The following AFG2A variants were observed in gnomAD, a reference collection of about 807,000 sequenced individuals.
AFG2A encodes ATPase family gene 2 protein homolog A.
chr4:123,016,657 G>A, the AFG2A span, among the ~76,000 whole-genome samples: 2 of 150,362 alleles, frequency 1.3e-5, no homozygotes, highest in Admixed American at 6.6e-5. Flanking sequence ...CAGGCAGAGG[G>A]GCTCCTCACG....
At chr4:123,298,112 T>TACACACAC in the AFG2A span, among the ~76,000 whole-genome samples, 47 of 150,250 alleles carry the variant, frequency 3.1e-4, no homozygotes, top group Admixed American at 1.5e-3. Flanking sequence ...TGCATACACA[T>TACACACAC]ACACACACAC....
the AFG2A span, among the ~76,000 whole-genome samples, chr4:123,286,705 T>C: frequency 6.6e-6 from 1 of 152,144 alleles, no homozygotes; most frequent in South Asian, 2.1e-4. Context: ...TAAAAACCTA[T>C]AACTGCTTTG....
chr4:123,158,667 A>G, the AFG2A span, among the ~76,000 whole-genome samples: 1 of 152,032 alleles, frequency 6.6e-6, no homozygotes, highest in Non-Finnish European at 1.5e-5. Flanking sequence ...TAGTCTATGG[A>G]AAAAAAATAC....
chr4:123,097,047 T>A, the AFG2A span, among the ~76,000 whole-genome samples: 1 of 152,056 alleles, frequency 6.6e-6, no homozygotes, highest in Non-Finnish European at 1.5e-5. Context: ...CATTAAGTTG[T>A]GCAGCCTTAA....
chr4:123,058,936 T>G, the AFG2A span, among the ~76,000 whole-genome samples: 1 of 152,146 alleles, frequency 6.6e-6, no homozygotes, highest in African/African-American at 2.4e-5. Flanking sequence ...AAGTCTCATC[T>G]GAGACAAGTC....
the AFG2A span, among the ~76,000 whole-genome samples, chr4:123,114,960 A>G: frequency 1.3e-5 from 2 of 152,206 alleles, no homozygotes; most frequent in South Asian, 4.1e-4. Flanking sequence ...TGAGGCTGCA[A>G]TGGCGGCTCC....
chr4:123,124,894 TGTAAC>T, the AFG2A span, among the ~76,000 whole-genome samples: 1 of 152,194 alleles, frequency 6.6e-6, no homozygotes, highest in African/African-American at 2.4e-5. Flanking sequence ...ACAAAGAAAA[TGTAAC>T]ATAAAATTAA....
At chr4:123,028,972 G>T in the AFG2A span, among the ~76,000 whole-genome samples, 1 of 152,148 alleles carries the variant, frequency 6.6e-6, no homozygotes. Context: ...TTAATTTTAT[G>T]TAACATTATG....
At chr4:123,076,918 A>G in the AFG2A span, among the ~76,000 whole-genome samples, 1,298 of 146,334 alleles carry the variant, frequency 8.9e-3, 19 homozygotes, top group African/African-American at 0.031. Context: ...TGCAGTTGTT[A>G]TTCTACCCAA....
the AFG2A span, chr4:123,314,757 CTT>C: frequency 6.3e-3 from 763 of 120,358 alleles, 7 homozygotes; most frequent in African/African-American, 0.018. Context: ...GTTGTTTTGT[CTT>C]TTTTTTTTTT....
At chr4:123,294,545 A>T in the AFG2A span, among the ~76,000 whole-genome samples, 1 of 152,186 alleles carries the variant, frequency 6.6e-6, no homozygotes. Flanking sequence ...TGGTCAGATT[A>T]AATGGTATGG....
the AFG2A span, among the ~76,000 whole-genome samples, chr4:123,182,539 G>A: frequency 6.6e-6 from 1 of 152,112 alleles, no homozygotes; most frequent in African/African-American, 2.4e-5. Flanking sequence ...CTAGGTATTA[G>A]ATGTTTCCAT....
At chr4:123,258,665 T>G in the AFG2A span, among the ~76,000 whole-genome samples, 1 of 152,004 alleles carries the variant, frequency 6.6e-6, no homozygotes, top group Non-Finnish European at 1.5e-5. Context: ...ATATTCAAGA[T>G]TATATAAAAT....
the AFG2A span, among the ~76,000 whole-genome samples, chr4:123,269,397 A>G: frequency 6.6e-6 from 1 of 152,210 alleles, no homozygotes; most frequent in Non-Finnish European, 1.5e-5. Flanking sequence ...GAAACATAAC[A>G]TGAGTACCCA....
chr4:123,148,907 T>A, the AFG2A span, among the ~76,000 whole-genome samples: 2 of 152,092 alleles, frequency 1.3e-5, no homozygotes, highest in Admixed American at 1.3e-4. Flanking sequence ...TAGCTGGGAT[T>A]ACAGGCAGGT....
At chr4:123,090,608 G>T in the AFG2A span, 1 of 1,614,102 alleles carries the variant, frequency 6.2e-7, no homozygotes, top group Non-Finnish European at 8.5e-7. Flanking sequence ...GTAGCCGATC[G>T]TGTTTTGGCT....
the AFG2A span, among the ~76,000 whole-genome samples, chr4:123,213,190 G>C: frequency 6.6e-6 from 1 of 152,070 alleles, no homozygotes; most frequent in African/African-American, 2.4e-5. Context: ...TTGAAGTTTT[G>C]ATACCATTTC....
chr4:122,935,962 T>C, the AFG2A span: 1 of 1,318,610 alleles, frequency 7.6e-7, no homozygotes, highest in East Asian at 2.6e-5. Context: ...TTTTGCTTCT[T>C]AATAAAAATT....
the AFG2A span, among the ~76,000 whole-genome samples, chr4:123,072,823 G>A: frequency 6.6e-6 from 1 of 152,094 alleles, no homozygotes; most frequent in Non-Finnish European, 1.5e-5. Flanking sequence ...TTTGTTTATG[G>A]AAGAACAAAC....
Sources: gnomAD v4.1 joint callset for allele counts (sites outside exome capture counted in the v4.1 genomes callset) on GRCh38, gnomAD v4.1.1 for gene constraint, MANE v1.5 for transcripts, NCBI Gene and HGNC (gene_info 2026-07-23, HGNC 2026-07-21) for gene names.